The following RNF220 variants were observed in gnomAD, a reference collection of about 807,000 sequenced individuals.
RNF220 encodes the protein E3 ubiquitin-protein ligase RNF220.
In RNF220, 7 loss-of-function variants were observed where a neutral mutation model predicts 67.1. The observed-to-expected ratio is 0.10, with a 90% confidence interval of 0.06 to 0.20. The LOEUF is 0.20. RNF220 is among the 10% of genes least tolerant of loss of function. RNF220 has a pLI of 1.00. For missense variants in RNF220, 565 were observed against 740.3 expected, an observed-to-expected ratio of 0.76 and a Z score of 2.75; for synonymous variants, 270 against 283.2, an observed-to-expected ratio of 0.95 and a Z score of 0.47.
chr1:44,638,040 C>A (rs1385543907), intron 8 of RNF220, among the ~76,000 whole-genome samples: 1 of 152,236 alleles, frequency 6.6e-6, no homozygotes, highest in Non-Finnish European at 1.5e-5. Context: ...GCTGAGGCTC[C>A]TCAGTGGGGG....
At chr1:44,602,725 TCTCTC>T (rs1004163324) in intron 2 of RNF220, among the ~76,000 whole-genome samples, 2 of 151,952 alleles carry the variant, frequency 1.3e-5, no homozygotes, top group African/African-American at 4.8e-5. Flanking sequence ...CCTCCTTAGT[TCTCTC>T]CTCTCCAGAC....
intron 8 of RNF220, among the ~76,000 whole-genome samples, chr1:44,640,037 A>G (rs1644442620): frequency 1.3e-5 from 2 of 152,302 alleles, no homozygotes; most frequent in South Asian, 4.1e-4. Context: ...TGATCCACCC[A>G]CCTCGGCCTC....
intron 2 of RNF220, among the ~76,000 whole-genome samples, chr1:44,580,165 G>A (rs146812496): frequency 4.6e-5 from 7 of 151,846 alleles, no homozygotes; most frequent in African/African-American, 1.4e-4. Context: ...TAAAGAAACT[G>A]AATCTCAAAA....
intron 2 of RNF220, among the ~76,000 whole-genome samples, chr1:44,427,940 G>A (rs1156347304): frequency 6.6e-6 from 1 of 152,142 alleles, no homozygotes; most frequent in Non-Finnish European, 1.5e-5. Flanking sequence ...ATTGCATTAT[G>A]GGGACAGTGA....
Position 44,632,264 on chromosome 1 carries a change from C to T in RNF220, c.907-79C>T. ...AGCAGCTTTGGTCGGGGGTCCGGTG[C>T]TGGGGCGGGGGCCAGGACTGCAGGC... On this transcript the variant is annotated intron_variant, in intron 5 of 14. Transcript: ENST00000361799. 3.1e-6 allele frequency: 5 copies of T among 1,613,606 alleles called. No homozygotes were observed. In the South Asian group the frequency reaches 5.5e-5, roughly 18 times the overall value.
At chr1:44,625,679 T>C (rs944087085) in intron 4 of RNF220, among the ~76,000 whole-genome samples, 2 of 152,094 alleles carry the variant, frequency 1.3e-5, no homozygotes, top group Non-Finnish European at 2.9e-5. Context: ...GTATTTAGAA[T>C]TGTGGTGATT....
At chr1:44,646,216 A>G (rs1185444672) in intron 12 of RNF220, among the ~76,000 whole-genome samples, 1 of 152,250 alleles carries the variant, frequency 6.6e-6, no homozygotes, top group Non-Finnish European at 1.5e-5. Context: ...TCTTCATTCC[A>G]GGGCCAGTGT....
chr1:44,542,172 C>T (rs1661724473), intron 2 of RNF220, among the ~76,000 whole-genome samples: 1 of 152,190 alleles, frequency 6.6e-6, no homozygotes, highest in Admixed American at 6.5e-5. Flanking sequence ...CCAGTGGACC[C>T]TCACAAGGGA....
In RNF220 at chr1:44,650,029, AG is replaced by A; in HGVS notation, c.1629+73del. ...GCCCAGATGTCTGTGCTTATGCCTG[AG>A]CCTGCCTGGGGGAAGTGGGGAGCAT... On this transcript the variant is annotated intron_variant, in intron 14 of 14. Transcript: ENST00000361799. The surrounding 1 kb of genome is among the most constrained non-coding windows in gnomAD (Gnocchi z 4.3). The A allele has an allele frequency of 6.7e-7, 1 of 1,501,516 alleles. No homozygotes were observed. Among genetic ancestry groups the A allele is most frequent in the South Asian group, 1.2e-5 (1 of 86,602 alleles). 93.0% of individuals were successfully genotyped at this position (1,501,516 alleles called of 1,614,324 possible). A position where few individuals can be genotyped will look rare whatever the true frequency, so the allele number is the denominator to read the frequency against.
chr1:44,490,330 C>T (rs1308966920), intron 2 of RNF220, among the ~76,000 whole-genome samples: 3 of 151,908 alleles, frequency 2.0e-5, no homozygotes, highest in Non-Finnish European at 2.9e-5. Flanking sequence ...ATTAGCCAGG[C>T]GTGGTGGCGA....
At chr1:44,507,388 C>T (rs919694406) in intron 2 of RNF220, among the ~76,000 whole-genome samples, 6 of 152,096 alleles carry the variant, frequency 3.9e-5, no homozygotes, top group Middle Eastern at 3.4e-3. Context: ...AGCCTAGTAA[C>T]TCATCAATAG....
chr1:44,634,497 C>T (rs72671951), intron 6 of RNF220, among the ~76,000 whole-genome samples: 8 of 152,262 alleles, frequency 5.3e-5, no homozygotes, highest in Non-Finnish European at 8.8e-5. Flanking sequence ...ATGAGCTTCC[C>T]GTTAGGGTCA....
intron 2 of RNF220, among the ~76,000 whole-genome samples, chr1:44,545,308 G>T (rs1347714440): frequency 1.3e-5 from 2 of 152,216 alleles, no homozygotes; most frequent in African/African-American, 4.8e-5. Context: ...TTATTGAAGG[G>T]AGGTTTGAAA....
chr1:44,464,792 A>G (rs1654117014), intron 2 of RNF220, among the ~76,000 whole-genome samples: 1 of 152,052 alleles, frequency 6.6e-6, no homozygotes, highest in South Asian at 2.1e-4. Context: ...CATTCTCACT[A>G]CATTGCTTGC....
chr1:44,555,171 C>A (rs1572867309), intron 2 of RNF220, among the ~76,000 whole-genome samples: 2 of 152,028 alleles, frequency 1.3e-5, no homozygotes, highest in African/African-American at 4.8e-5. Flanking sequence ...GGGCTCAGGC[C>A]ATTCTCCTAC....
chr1:44,435,482 T>C (rs2147880028), intron 2 of RNF220, among the ~76,000 whole-genome samples: 1 of 152,348 alleles, frequency 6.6e-6, no homozygotes, highest in African/African-American at 2.4e-5. Context: ...GAGACTGTGG[T>C]CAGTGAAACT....
intron 2 of RNF220, among the ~76,000 whole-genome samples, chr1:44,472,561 G>T (rs991182752): frequency 3.3e-5 from 5 of 152,064 alleles, no homozygotes; most frequent in African/African-American, 1.2e-4. Context: ...TTTTTGAAAG[G>T]CAATCTCATC....
intron 2 of RNF220, 65 bp from the exon 3 acceptor site, chr1:44,614,100 G>A (rs1557438791): frequency 1.4e-5 from 23 of 1,599,796 alleles, no homozygotes; most frequent in Non-Finnish European, 1.8e-5. Flanking sequence ...TCAGGACTGG[G>A]ATGCTGGGTC....
At chr1:44,470,596 A>G (rs961810002) in intron 2 of RNF220, among the ~76,000 whole-genome samples, 2 of 152,066 alleles carry the variant, frequency 1.3e-5, no homozygotes, top group African/African-American at 2.4e-5. Flanking sequence ...TGTTGGATGG[A>G]ATGATCTGAT....
Sources: allele counts gnomAD v4.1 joint callset (sites outside exome capture counted in the v4.1 genomes callset), GRCh38; gene constraint gnomAD v4.1.1; non-coding constraint Gnocchi (gnomAD v3.1); transcripts MANE v1.5; gene names NCBI Gene and HGNC (gene_info 2026-07-23, HGNC 2026-07-21).